LRP2: variants seen among roughly 807,000 people sequenced by gnomAD.
The protein encoded by LRP2 is LDL receptor related protein 2, also known as low-density lipoprotein receptor-related protein 2.
A neutral mutation model predicts 531.0 loss-of-function variants in LRP2; 172 were observed. That is an observed-to-expected ratio of 0.32 (90% CI 0.29 to 0.37). LRP2 has a LOEUF of 0.37. LRP2 is among the 10% of genes least tolerant of loss of function. The pLI is 1.00. For missense variants in LRP2, 5,167 were observed against 5,868.3 expected (o/e 0.88, Z 3.90); for synonymous variants, 1,992 against 2,027.6 (o/e 0.98, Z 0.47).
chr2:169,211,437 C>T (rs11689553), intron 37 of LRP2, among the ~76,000 whole-genome samples: 1 of 152,074 alleles, frequency 6.6e-6, no homozygotes, highest in Non-Finnish European at 1.5e-5. Flanking sequence ...TAAAGAGGGA[C>T]TGACACTGTG....
At chr2:169,353,841 A>G (rs1356795457) in intron 1 of LRP2, among the ~76,000 whole-genome samples, 1 of 152,078 alleles carries the variant, frequency 6.6e-6, no homozygotes, top group Non-Finnish European at 1.5e-5. Flanking sequence ...AAATATAAAA[A>G]TTAACTGTGA....
Position 169,309,830 on chromosome 2 carries a change from A to T in LRP2, c.311-2433T>A, listed in dbSNP as rs556508102. ...TACCTTGGGCAGTATGGCCATTTCCATGATATTGATTCTTCCTATCCATAA... is the reference window on the plus strand; with the variant it reads ...TACCTTGGGCAGTATGGCCATTTCCTTGATATTGATTCTTCCTATCCATAA... On this transcript the variant is annotated intron_variant, in intron 3 of 78. Transcript: ENST00000649046. 6.6e-5 allele frequency among the ~76,000 whole-genome samples: 10 copies of T among 152,316 alleles called. 2 individuals are homozygous for T. Among genetic ancestry groups the T allele is most frequent in the African/African-American group, 2.4e-4 (10 of 41,572 alleles).
At chr2:169,319,000 C>CAAAT in intron 2 of LRP2, 116 bp from the exon 3 acceptor site, 2 of 1,323,122 alleles carry the variant, frequency 1.5e-6, no homozygotes, top group African/African-American at 2.9e-5. Context: ...TATTTGAAGG[C>CAAAT]AAATAGTAAA....
chr2:169,294,081 C>G, intron 6 of LRP2, 67 bp downstream of exon 6: 1 of 1,172,016 alleles, frequency 8.5e-7, no homozygotes, highest in Non-Finnish European at 1.3e-6. Flanking sequence ...GGGGATAAAA[C>G]AAAACAAAAC....
intron 76 of LRP2, among the ~76,000 whole-genome samples, chr2:169,133,694 G>A (rs74560435): frequency 0.05 from 7,598 of 152,250 alleles, 187 homozygotes; most frequent in South Asian, 0.061. Flanking sequence ...TAAAAGTGGC[G>A]CTGGGGCTAT....
intron 3 of LRP2, among the ~76,000 whole-genome samples, chr2:169,308,950 G>A (rs1436920218): frequency 2.0e-5 from 3 of 152,072 alleles, no homozygotes; most frequent in Admixed American, 6.5e-5. Flanking sequence ...TTGTGGTTTT[G>A]ATTTGCATTT....
intron 3 of LRP2, among the ~76,000 whole-genome samples, chr2:169,317,964 C>A (rs1165878131): frequency 1.3e-5 from 2 of 152,090 alleles, no homozygotes; most frequent in Non-Finnish European, 2.9e-5. Context: ...ATAGTCCCAG[C>A]TACTCAGGAG....
intron 9 of LRP2, among the ~76,000 whole-genome samples, chr2:169,286,076 T>C (rs944710448): frequency 2.6e-5 from 4 of 152,288 alleles, no homozygotes; most frequent in Non-Finnish European, 5.9e-5. Context: ...GTGTAACTGG[T>C]TTCCTAACGT....
chr2:169,203,036 T>G, intron 42 of LRP2, 77 bp from the exon 43 acceptor site: 1 of 1,160,614 alleles, frequency 8.6e-7, no homozygotes, highest in Non-Finnish European at 1.3e-6. Flanking sequence ...CAATAGCACT[T>G]GCAACAGCTT....
Position 169,188,033 on chromosome 2 carries a change from C to T in LRP2, c.9265G>A (p.Glu3089Lys), listed in dbSNP as rs745739674. ...AGGTGGTTGCAGAGTTTCATCATCT[C>T]GATGCAGCGCCCATTGTCACACTTG... Reference protein sequence around the residue: ...EFKCDNGRCIEMMKLCNHLDD... With the variant: ...EFKCDNGRCIKMMKLCNHLDD... The change falls in exon 49 of 79, where the codon GAG (glutamate) becomes AAG (lysine). Residue 3089 changes from glutamate (E) to lysine (K), a missense_variant. By Grantham distance (56) the Glu-to-Lys change is moderately conservative. This residue lies in a region of LRP2 where 1,129 missense variants were observed against 1,362.7 expected (regional missense o/e 0.83). Transcript: ENST00000649046. 1.1e-5 allele frequency: 17 copies of T among 1,613,980 alleles called. No individual in the cohort carries two copies. The highest frequency in any genetic ancestry group is 2.7e-5 in the African/African-American group (2 of 74,890).
intron 9 of LRP2, 115 bp downstream of exon 9, chr2:169,288,911 G>C: frequency 6.6e-7 from 1 of 1,526,366 alleles, no homozygotes; most frequent in South Asian, 1.1e-5. Context: ...GTTGCTCTTT[G>C]TTATGACAGA....
chr2:169,266,432 A>G (rs754480130), intron 16 of LRP2, among the ~76,000 whole-genome samples: 14 of 152,142 alleles, frequency 9.2e-5, no homozygotes, highest in African/African-American at 2.6e-4. Context: ...ATGATATCCA[A>G]CATTTACTGA....
chr2:169,256,409 G>A (rs990353749), intron 18 of LRP2, among the ~76,000 whole-genome samples, 173 bp from the exon 19 acceptor site: 2 of 151,870 alleles, frequency 1.3e-5, no homozygotes, highest in Non-Finnish European at 2.9e-5. Context: ...AGAAAGAGAC[G>A]GCTACTTTTC....
intron 4 of LRP2, among the ~76,000 whole-genome samples, chr2:169,302,741 G>GA (rs1248745395): frequency 1.2e-5 from 1 of 84,310 alleles, no homozygotes; most frequent in African/African-American, 6.3e-5. Context: ...CAAGTGACCT[G>GA]GGTTTTTTTT....
In LRP2 at chr2:169,307,354, A is replaced by G. The variant is rs758695535; in HGVS notation, c.354T>C (p.Gly118=). Residue 118 remains glycine, a synonymous_variant, in exon 4 of 79, where the codon GGT becomes GGC. Coordinates refer to ENST00000649046, the MANE Select transcript of LRP2 (RefSeq NM_004525.3). ...ACCTGTATTCACTTGGGATACACTG[A>G]CCATTGGAGCATGTTATCTGATGAC... ...CSSHQITCSN[G]QCIPSEYRCD... 1.4e-5 allele frequency: 22 copies of G among 1,613,930 alleles called. No individual in the cohort carries two copies. The highest frequency in any genetic ancestry group is 1.8e-5 in the Non-Finnish European group (21 of 1,179,784).
chr2:169,270,816 G>T, intron 16 of LRP2, 88 bp downstream of exon 16: 1 of 697,808 alleles, frequency 1.4e-6, no homozygotes, highest in Non-Finnish European at 2.3e-6. Flanking sequence ...ATTAGATACT[G>T]AGTTTTAATT....
Position 169,233,466 on chromosome 2 carries a change from A to T in LRP2, c.5043T>A (p.Tyr1681Ter), listed in dbSNP as rs779771579. The change falls in exon 30 of 79, where the codon TAT becomes TAA. Residue 1681 changes from tyrosine to a stop codon, truncating the protein, a stop_gained. Transcript: ENST00000649046. LOFTEE classifies it high-confidence loss of function. ...WHGGNQSVVM[Y>*]NIQWPLGIVA... ...CAATCCCAAGGGGCCATTGAATATT[A>T]TACATTACAACTGACTGGTTCCCTC... The T allele has an allele frequency of 6.2e-7, 1 of 1,614,164 alleles. No individual in the cohort carries two copies. Among genetic ancestry groups the T allele is most frequent in the South Asian group, 1.1e-5 (1 of 91,078 alleles).
At chr2:169,222,601 T>C (rs1689058920) in intron 33 of LRP2, among the ~76,000 whole-genome samples, 1 of 152,218 alleles carries the variant, frequency 6.6e-6, no homozygotes, top group Non-Finnish European at 1.5e-5. Flanking sequence ...TACTGAATGC[T>C]ATATATACTA....
chr2:169,257,020 C>T, intron 18 of LRP2, 104 bp downstream of exon 18: 1 of 1,315,254 alleles, frequency 7.6e-7, no homozygotes, highest in Non-Finnish European at 1.1e-6. Flanking sequence ...TCCGCGAGGG[C>T]AAGCAGTACC....
Sources: gnomAD v4.1 joint callset for allele counts (sites outside exome capture counted in the v4.1 genomes callset) on GRCh38, gnomAD v4.1.1 for gene constraint, gnomAD v4.1.1 regional missense constraint, MANE v1.5 for transcripts, NCBI Gene and HGNC (gene_info 2026-07-23, HGNC 2026-07-21) for gene names.